PRRC2B: variants seen among roughly 807,000 people sequenced by gnomAD.
PRRC2B encodes the protein protein PRRC2B.
A neutral mutation model predicts 242.3 loss-of-function variants in PRRC2B; 68 were observed. The observed-to-expected ratio is 0.28, with a 90% confidence interval of 0.23 to 0.34. The LOEUF (loss-of-function observed/expected upper bound fraction) is 0.34. Ranked by LOEUF, PRRC2B falls within the 10% of genes least tolerant of loss-of-function variation. The pLI, the probability that PRRC2B is intolerant of heterozygous loss-of-function variation, is 1.00. For missense variants in PRRC2B, 2,835 were observed against 2,954.8 expected (o/e 0.96, Z 0.94); for synonymous variants, 1,228 against 1,173.6 (o/e 1.05, Z -0.95).
intron 14 of PRRC2B, among the ~76,000 whole-genome samples, chr9:131,472,069 G>A (rs1403813862): frequency 6.6e-6 from 1 of 152,092 alleles, no homozygotes; most frequent in Admixed American, 6.5e-5. Flanking sequence ...TACCTTTGTT[G>A]TCATTAATAG....
chr9:131,476,202 C>T lies in PRRC2B; in HGVS notation c.4073C>T (p.Ser1358Phe), dbSNP rs770445426. 3 of 1,613,560 alleles carry T rather than the reference C, an allele frequency of 1.9e-6. No homozygotes were observed. Among genetic ancestry groups the T allele is most frequent in the Non-Finnish European group, 2.5e-6 (3 of 1,179,854 alleles). The change falls in exon 16 of 32, where the codon TCC becomes TTC. Residue 1358 changes from serine to phenylalanine, a missense_variant. Around this residue, in one of 7 missense-constraint regions of PRRC2B, gnomAD observed 1,536 missense variants for 1,483.1 expected, o/e 1.04. Transcript: ENST00000683519. Reference protein sequence around the residue: ...GDKSGTVGRRSPELSYQNSSD... With the variant: ...GDKSGTVGRRFPELSYQNSSD... ...AAGAGTGGCACTGTGGGCCGCAGGT[C>T]CCCTGAGCTCTCCTACCAGAACTCC...
At chr9:131,399,706 T>TA (rs1378043459) in intron 1 of PRRC2B, among the ~76,000 whole-genome samples, 4 of 152,238 alleles carry the variant, frequency 2.6e-5, no homozygotes, top group Non-Finnish European at 4.4e-5. Context: ...ATGTCTGTGT[T>TA]TTCTAAATTA....
rs540321255 is a variant in PRRC2B, at chr9:131,448,449, C to A, written c.1120+645C>A. 2.4e-3 allele frequency among the ~76,000 whole-genome samples: 342 copies of A among 144,926 alleles called. 1 individual carries two copies. The highest frequency in any genetic ancestry group is 8.0e-3 in the African/African-American group (310 of 38,894). On this transcript the variant is annotated intron_variant, in intron 9 of 31. Transcript: ENST00000683519. ...GTCCCAGCTACTCAGGAGGCTGAGG[C>A]AGGAGAATCACTTGAACCTGGGAAG... is the stretch of plus-strand genomic sequence containing the variant.
At chr9:131,477,574 A>G (rs908501880) in intron 16 of PRRC2B, among the ~76,000 whole-genome samples, 170 bp from the exon 17 acceptor site, 1 of 152,196 alleles carries the variant, frequency 6.6e-6, no homozygotes, top group Non-Finnish European at 1.5e-5. Context: ...GTATGTTTGC[A>G]CACGGACATG....
At position 131,444,208 on chromosome 9, in the gene PRRC2B, T is replaced by G. The variant is rs753603770; in HGVS notation, c.493T>G (p.Leu165Val). Residue 165 changes from leucine (L) to valine (V), a missense_variant, in exon 6 of 32, where the codon TTA becomes GTA. This residue lies in a region of PRRC2B where 626 missense variants were observed against 685.5 expected (regional missense o/e 0.91). Transcript: ENST00000683519. ...EGGLRGSSRL[L>V]SFSPEEFPTL... is the part of the protein sequence containing the mutation. ...AGGTTTAAGGGGCTCAAGCCGACTGTTATCCTTCTCTCCCGAGGAATTTCC... is the reference window on the plus strand; with the variant it reads ...AGGTTTAAGGGGCTCAAGCCGACTGGTATCCTTCTCTCCCGAGGAATTTCC... 3 of 1,614,034 alleles carry G rather than the reference T, an allele frequency of 1.9e-6. No individual in the cohort carries two copies. The highest frequency in any genetic ancestry group is 1.7e-6 in the Non-Finnish European group (2 of 1,179,886).
intron 9 of PRRC2B, among the ~76,000 whole-genome samples, chr9:131,449,855 C>G (rs1429607395): frequency 6.6e-6 from 1 of 152,162 alleles, no homozygotes; most frequent in Non-Finnish European, 1.5e-5. Flanking sequence ...ATAGTTTTAA[C>G]TATTAATTTT....
At chr9:131,430,042 TTTTTTTTTTTTCTCTCTC>T in intron 1 of PRRC2B, 34 bp from the exon 2 acceptor site, 2 of 280,706 alleles carry the variant, frequency 7.1e-6, no homozygotes, top group South Asian at 5.8e-5. Context: ...AGTGACACTC[TTTTTTTTTTTTCTCTCTC>T]TTTTTTTTTT....
rs1034285788 is a variant in PRRC2B, at chr9:131,388,112, C to T, written c.-56+14381C>T. ...GAGAATCATTTGAACGCATTGTGGG[C>T]GGGGGGCCGAGGTTGCAGTGAGCCG... On this transcript the variant is annotated intron_variant, in intron 1 of 1. Coordinates refer to the PRRC2B transcript ENST00000682525. 2.1e-4 allele frequency among the ~76,000 whole-genome samples: 30 copies of T among 146,082 alleles called. 1 individual carries two copies. The highest frequency in any genetic ancestry group is 1.5e-5 in the Non-Finnish European group (1 of 66,784).
At chr9:131,411,022 G>A (rs1564276298) in intron 1 of PRRC2B, among the ~76,000 whole-genome samples, 4 of 152,070 alleles carry the variant, frequency 2.6e-5, no homozygotes, top group Non-Finnish European at 5.9e-5. Context: ...CTGGGAGGCC[G>A]AGGAGGGCGG....
At chr9:131,468,824 C>T (rs571234457) in intron 13 of PRRC2B, among the ~76,000 whole-genome samples, 5 of 152,194 alleles carry the variant, frequency 3.3e-5, no homozygotes, top group Non-Finnish European at 7.3e-5. Context: ...ACCTCAGCCT[C>T]TTCTCTCCTC....
intron 13 of PRRC2B, 71 bp from the exon 14 acceptor site, chr9:131,470,717 G>T: frequency 6.2e-6 from 8 of 1,282,318 alleles, no homozygotes; most frequent in Non-Finnish European, 8.9e-6. Context: ...AAGCTGGAAG[G>T]GCGTGTGTTG....
chr9:131,491,591 C>A lies in PRRC2B; in HGVS notation c.6381+11C>A, dbSNP rs770791106. On this transcript the variant is annotated intron_variant, in intron 29 of 31. Coordinates refer to ENST00000683519, the MANE Select transcript of PRRC2B (RefSeq NM_013318.4). ...AACACCAGCAGAGAGGTAAGGGGAC[C>A]CCATCTGCCTCTGACCCTAGGGAGG... 3 of 1,602,710 alleles carry A rather than the reference C, an allele frequency of 1.9e-6. No homozygotes were observed. The highest frequency in any genetic ancestry group is 2.6e-6 in the Non-Finnish European group (3 of 1,174,902).
Position 131,447,823 on chromosome 9 carries a change from G to C in PRRC2B, c.1120+19G>C, listed in dbSNP as rs555083855. 6.2e-7 allele frequency: 1 copy of C among 1,605,846 alleles called. No homozygotes were observed. The highest frequency in any genetic ancestry group is 8.5e-7 in the Non-Finnish European group (1 of 1,174,686). On this transcript the variant is annotated intron_variant, in intron 9 of 31. Coordinates refer to ENST00000683519, the MANE Select transcript of PRRC2B (RefSeq NM_013318.4). ...TGGGCAGGTGGGCAGAGAAGCACGGGTGGTTTAGACGGGCAGGACCAAAGT... is the reference window on the plus strand; with the variant it reads ...TGGGCAGGTGGGCAGAGAAGCACGGCTGGTTTAGACGGGCAGGACCAAAGT...
intron 1 of PRRC2B, among the ~76,000 whole-genome samples, chr9:131,384,446 C>A (rs1836803349): frequency 6.6e-6 from 1 of 152,022 alleles, no homozygotes; most frequent in African/African-American, 2.4e-5. Context: ...CCATGCCCGG[C>A]TAATTTTTTG....
chr9:131,465,748 G>T (rs78895635), intron 12 of PRRC2B, among the ~76,000 whole-genome samples: 9 of 150,986 alleles, frequency 6.0e-5, no homozygotes, highest in African/African-American at 1.5e-4. Flanking sequence ...TTTTTTTTTT[G>T]AAATGGAGTC....
chr9:131,440,758 A>C (rs1261580984), intron 5 of PRRC2B, among the ~76,000 whole-genome samples: 1 of 152,194 alleles, frequency 6.6e-6, no homozygotes, highest in Non-Finnish European at 1.5e-5. Flanking sequence ...ATTTGGCAAG[A>C]TCTTCAGGTG....
At chr9:131,385,768 A>G (rs1836818123) in intron 1 of PRRC2B, among the ~76,000 whole-genome samples, 2 of 149,130 alleles carry the variant, frequency 1.3e-5, no homozygotes. Flanking sequence ...ATCTCGGCTC[A>G]CTGCAAGCTC....
At chr9:131,436,154 T>C (rs1838361441) in intron 3 of PRRC2B, among the ~76,000 whole-genome samples, 1 of 152,180 alleles carries the variant, frequency 6.6e-6, no homozygotes, top group African/African-American at 2.4e-5. Flanking sequence ...TACAGTGAGC[T>C]TTTAGTTTTT....
intron 15 of PRRC2B, among the ~76,000 whole-genome samples, chr9:131,474,215 G>C (rs1234233684): frequency 2.0e-5 from 3 of 152,162 alleles, no homozygotes; most frequent in African/African-American, 7.2e-5. Context: ...AAGGACTCCA[G>C]GGGCCACCGA....
Sources: gnomAD v4.1 joint callset for allele counts (sites outside exome capture counted in the v4.1 genomes callset) on GRCh38, gnomAD v4.1.1 for gene constraint, gnomAD v4.1.1 regional missense constraint, MANE v1.5 for transcripts, NCBI Gene and HGNC (gene_info 2026-07-23, HGNC 2026-07-21) for gene names.